Variants in CDKL1 observed in about 807,000 individuals in gnomAD.
The protein encoded by CDKL1 is cyclin-dependent kinase-like 1.
In CDKL1, 41 loss-of-function variants were observed where a neutral mutation model predicts 42.0. That is an observed-to-expected ratio of 0.98 (90% confidence interval 0.76 to 1.27). CDKL1 has a LOEUF of 1.27. Ranked by LOEUF, CDKL1 falls within the 50% of genes most tolerant of loss-of-function variation. CDKL1 has a pLI of 0.00. For missense variants in CDKL1, 394 were observed against 428.4 expected (o/e 0.92, Z 0.71); for synonymous variants, 153 against 158.6 (o/e 0.96, Z 0.26).
At chr14:50,333,902 A>AAT (rs1429256449) in intron 8 of CDKL1, 1 of 150,204 alleles carries the variant, frequency 6.7e-6, no homozygotes, top group Non-Finnish European at 1.5e-5. Context: ...TATATATATA[A>AAT]ATATATATAT....
At chr14:50,372,896 A>T (rs1430605277) in intron 2 of CDKL1, among the ~76,000 whole-genome samples, 11 of 149,616 alleles carry the variant, frequency 7.4e-5, no homozygotes, top group Admixed American at 3.3e-4. Context: ...AATGTGTCTA[A>T]TTTTTTTTTT....
At position 50,326,330 on chromosome 14, in the gene CDKL1, A is replaced by G; in HGVS notation, c.*3744T>C. On this transcript the variant is annotated 3_prime_UTR_variant, in exon 10 of 10. Coordinates refer to ENST00000395834, the MANE Select transcript of CDKL1 (RefSeq NM_004196.7). ...ATATCTCTTGATGTAGATATTTAGA[A>G]TCCTTTAAAGTTATTTGTACAACAG... The G allele has an allele frequency of 1.4e-6, 1 of 710,496 alleles. No individual in the cohort carries two copies. Among genetic ancestry groups the G allele is most frequent in the African/African-American group, 1.9e-5 (1 of 51,944 alleles). 44.0% of individuals were successfully genotyped at this position (710,496 alleles called of 1,614,324 possible).
intron 7 of CDKL1, chr14:50,336,103 C>T: frequency 2.9e-6 from 4 of 1,366,134 alleles, no homozygotes; most frequent in Non-Finnish European, 3.9e-6. Context: ...GTCTCAGCAA[C>T]AATGTCTGGA....
Position 50,329,960 on chromosome 14 carries a change from T to C in CDKL1, c.*114A>G, listed in dbSNP as rs2032846175. ...AGTTGGCCTCCCAGTTTCTTGCTTA[T>C]GTTTTCTCCTGGTGTGTTTTCAACA... On this transcript the variant is annotated 3_prime_UTR_variant, in exon 10 of 10. Transcript: ENST00000395834. The C allele has an allele frequency of 7.8e-7, 1 of 1,287,062 alleles. No homozygotes were observed. Among genetic ancestry groups the C allele is most frequent in the South Asian group, 1.6e-5 (1 of 64,128 alleles). 79.7% of individuals were successfully genotyped at this position (1,287,062 alleles called of 1,614,324 possible).
intron 2 of CDKL1, among the ~76,000 whole-genome samples, chr14:50,394,623 A>G (rs1057044859): frequency 2.2e-4 from 33 of 152,234 alleles, no homozygotes; most frequent in African/African-American, 8.0e-4. Context: ...CTTGTCACAT[A>G]GTAGTTATAC....
chr14:50,387,617 A>G (rs1378099805), intron 2 of CDKL1, among the ~76,000 whole-genome samples: 1 of 151,992 alleles, frequency 6.6e-6, no homozygotes, highest in African/African-American at 2.4e-5. Flanking sequence ...TGAGGACCCC[A>G]GTTTGCCCCA....
intron 3 of CDKL1, among the ~76,000 whole-genome samples, chr14:50,351,666 C>T (rs914751605): frequency 1.4e-5 from 2 of 145,320 alleles, no homozygotes; most frequent in South Asian, 2.3e-4. Context: ...GCCTGGGAGG[C>T]GGAGGTTGCA....
At chr14:50,391,927 T>C (rs540897271) in intron 2 of CDKL1, among the ~76,000 whole-genome samples, 7 of 152,318 alleles carry the variant, frequency 4.6e-5, no homozygotes, top group African/African-American at 1.7e-4. Context: ...CCTTTTGTAA[T>C]AAAACTCTTC....
chr14:50,360,367 C>G (rs964446064), intron 2 of CDKL1, among the ~76,000 whole-genome samples: 1 of 152,054 alleles, frequency 6.6e-6, no homozygotes, highest in African/African-American at 2.4e-5. Context: ...AATCCTTCCT[C>G]CCCCCAGTCC....
rs2032742400 is a variant in CDKL1 at position 50,327,316 on chromosome 14, C to T, written c.*2758G>A. 7.6e-6 allele frequency: 1 copy of T among 131,406 alleles called. No homozygotes were observed. Among genetic ancestry groups the T allele is most frequent in the Non-Finnish European group, 1.6e-5 (1 of 63,028 alleles). 8.1% of individuals were successfully genotyped at this position (131,406 alleles called of 1,614,324 possible). A position where few individuals can be genotyped will look rare whatever the true frequency, so the allele number is the denominator to read the frequency against. On this transcript the variant is annotated 3_prime_UTR_variant, in exon 10 of 10. Coordinates refer to ENST00000395834, the MANE Select transcript of CDKL1 (RefSeq NM_004196.7). ...CACCACTGCACTCCAGCCTGGGCAA[C>T]AGATTAAGACCCTGTCTCAAAAAAA... is the stretch of plus-strand genomic sequence containing the variant.
intron 2 of CDKL1, among the ~76,000 whole-genome samples, chr14:50,374,811 C>T (rs557391896): frequency 6.6e-6 from 1 of 152,004 alleles, no homozygotes; most frequent in Non-Finnish European, 1.5e-5. Flanking sequence ...ATACCAAGTG[C>T]TTAGATCTCG....
At position 50,396,229 on chromosome 14, in the gene CDKL1, A is replaced by G. The variant is rs1317161613; in HGVS notation, c.-361T>C. On this transcript the variant is annotated 5_prime_UTR_variant, in exon 2 of 10. Transcript: ENST00000395834. The stretch of plus-strand genomic sequence containing the variant: ...AAAAAAAAAAGAAAGAAAGAAAAGA[A>G]AAGAAAGGATCTTCACATAGTTTGA... 28 of 1,037,436 alleles carry G rather than the reference A, an allele frequency of 2.7e-5. No individual in the cohort carries two copies. Among genetic ancestry groups the G allele is most frequent in the Non-Finnish European group, 3.1e-5 (27 of 862,632 alleles). 64.3% of individuals were successfully genotyped at this position (1,037,436 alleles called of 1,614,324 possible).
Position 50,341,245 on chromosome 14 carries a change from G to A in CDKL1, c.455-13C>T, listed in dbSNP as rs751708624. ...TCACTCGGTCCAGCTAGCCAGTGAT[G>A]GAACATGGAAAACAAACAGCAGCGG... is the stretch of plus-strand genomic sequence containing the variant. On this transcript the variant is annotated splice_polypyrimidine_tract_variant and intron_variant, in intron 5 of 9. Coordinates refer to ENST00000395834, the MANE Select transcript of CDKL1 (RefSeq NM_004196.7). 1.9e-6 allele frequency: 3 copies of A among 1,573,414 alleles called. No individual in the cohort carries two copies. The highest frequency in any genetic ancestry group is 2.6e-6 in the Non-Finnish European group (3 of 1,154,218).
intron 2 of CDKL1, chr14:50,379,996 C>T: frequency 2.4e-6 from 1 of 412,502 alleles, no homozygotes; most frequent in Admixed American, 2.7e-5. Context: ...GGTTAGAGCA[C>T]CGTTTCATAC....
At chr14:50,334,907 A>G in intron 7 of CDKL1, 1 of 239,286 alleles carries the variant, frequency 4.2e-6, no homozygotes, top group Non-Finnish European at 7.4e-6. Flanking sequence ...ATGAAAAAAA[A>G]CTTTTCTGAG....
intron 2 of CDKL1, among the ~76,000 whole-genome samples, chr14:50,385,070 C>CAAAAAAAAA (rs55719234): frequency 1.1e-4 from 10 of 93,556 alleles, no homozygotes; most frequent in Non-Finnish European, 1.6e-4. Flanking sequence ...GACTCTGTCT[C>CAAAAAAAAA]AAAAAAAAAA....
intron 2 of CDKL1, among the ~76,000 whole-genome samples, chr14:50,366,030 C>T (rs182641332): frequency 2.5e-3 from 380 of 152,306 alleles, no homozygotes; most frequent in Non-Finnish European, 4.2e-3. Context: ...AGCTTGCAGA[C>T]GGCCTGTTGT....
chr14:50,368,709 G>T (rs1048141981), intron 2 of CDKL1, among the ~76,000 whole-genome samples: 1 of 151,972 alleles, frequency 6.6e-6, no homozygotes, highest in Non-Finnish European at 1.5e-5. Context: ...AGAATGCTAC[G>T]TATCCTACGT....
chr14:50,344,906 T>G (rs2033676948), intron 4 of CDKL1, 80 bp downstream of exon 4: 3 of 1,190,004 alleles, frequency 2.5e-6, no homozygotes, highest in Non-Finnish European at 3.7e-6. Context: ...CCCACAGAAG[T>G]GTGACATAAA....
Sources: gnomAD v4.1 joint callset for allele counts (sites outside exome capture counted in the v4.1 genomes callset) on GRCh38, gnomAD v4.1.1 for gene constraint, MANE v1.5 for transcripts, NCBI Gene and HGNC (gene_info 2026-07-23, HGNC 2026-07-21) for gene names.